ADGRB3: variants seen among roughly 807,000 people sequenced by gnomAD.
The protein encoded by ADGRB3 is adhesion G protein-coupled receptor B3.
ADGRB3 carries 37 observed loss-of-function variants against 193.4 expected under a neutral mutation model. The observed-to-expected ratio is 0.19, with a 90% CI of 0.15 to 0.25. The LOEUF is 0.25. Among genes scored for constraint, ADGRB3 ranks in the 10% least tolerant of loss-of-function variants. The pLI is 1.00. For missense variants in ADGRB3, 1,637 were observed against 1,852.9 expected (o/e 0.88, Z 2.14); for synonymous variants, 690 against 644.2 (o/e 1.07, Z -1.08).
chr6:69,325,081 G>C, intron 21 of ADGRB3, 59 bp downstream of exon 21: 1 of 1,555,746 alleles, frequency 6.4e-7, no homozygotes, highest in South Asian at 1.2e-5. Context: ...ACACACATTA[G>C]AAAGCAGTCA....
chr6:68,851,242 T>C (rs1468237274), intron 3 of ADGRB3, among the ~76,000 whole-genome samples: 2 of 149,762 alleles, frequency 1.3e-5, no homozygotes, highest in Non-Finnish European at 3.0e-5. Flanking sequence ...TGCCTCCTTC[T>C]GTCTCTCTCT....
At chr6:68,660,499 T>G (rs1406242439) in intron 3 of ADGRB3, among the ~76,000 whole-genome samples, 1 of 151,028 alleles carries the variant, frequency 6.6e-6, no homozygotes, top group Non-Finnish European at 1.5e-5. Flanking sequence ...CAGAAGTTAA[T>G]GATGTGAATT....
intron 17 of ADGRB3, among the ~76,000 whole-genome samples, chr6:69,121,020 G>A (rs1453163164): frequency 1.2e-5 from 1 of 80,490 alleles, no homozygotes; most frequent in East Asian, 3.1e-4. Flanking sequence ...TTTTTTTTTA[G>A]TATTTATTGA....
At chr6:68,951,593 G>A (rs9454657) in intron 6 of ADGRB3, among the ~76,000 whole-genome samples, 6 of 152,240 alleles carry the variant, frequency 3.9e-5, no homozygotes, top group Non-Finnish European at 7.3e-5. Flanking sequence ...CTTTACTCCT[G>A]TGTGTGTTAC....
intron 3 of ADGRB3, among the ~76,000 whole-genome samples, chr6:68,819,556 T>TAGGACTGACATCTTACATATATATGC (rs1767708802): frequency 6.6e-6 from 1 of 152,052 alleles, no homozygotes; most frequent in Admixed American, 6.6e-5. Flanking sequence ...TCTCTATATG[T>TAGGACTGACATCTTACATATATATGC]AGGACTGACA....
rs751091128 is a variant in ADGRB3 at position 68,993,933 on chromosome 6, A to G, written c.1900A>G (p.Ser634Gly). Reference sequence around the variant, plus strand: ...TGTGACAGACACATTTAAAAGGGCAAGTTACATCCCTGCATCTGATGGTGT... The same window carrying G: ...TGTGACAGACACATTTAAAAGGGCAGGTTACATCCCTGCATCTGATGGTGT... ...RNVTDTFKRA[S>G]YIPASDGVQN... The change falls in exon 11 of 32, where the codon AGT (serine) becomes GGT (glycine). Residue 634 changes from serine (S) to glycine (G), a missense_variant. Transcript: ENST00000370598. 5 of 1,613,812 alleles carry G rather than the reference A, an allele frequency of 3.1e-6. No individual in the cohort carries two copies. Among genetic ancestry groups the G allele is most frequent in the East Asian group, 2.2e-5 (1 of 44,874 alleles).
chr6:69,048,132 T>C (rs1771290571), intron 13 of ADGRB3, 53 bp from the exon 14 acceptor site: 1 of 1,552,546 alleles, frequency 6.4e-7, no homozygotes, highest in African/African-American at 1.4e-5. Flanking sequence ...CAACACTGAT[T>C]ACACTAAAAT....
intron 3 of ADGRB3, among the ~76,000 whole-genome samples, chr6:68,834,571 CT>C (rs35653501): frequency 1.3e-5 from 2 of 152,090 alleles, no homozygotes; most frequent in Non-Finnish European, 2.9e-5. Context: ...AAAATAGCCA[CT>C]TTTTGTGAAG....
At chr6:69,202,107 C>A (rs977557287) in intron 17 of ADGRB3, among the ~76,000 whole-genome samples, 7 of 152,256 alleles carry the variant, frequency 4.6e-5, no homozygotes, top group Admixed American at 4.6e-4. Context: ...GTTGAAGTCA[C>A]TCTTATCTTG....
intron 17 of ADGRB3, among the ~76,000 whole-genome samples, chr6:69,101,706 AGT>A (rs147026892): frequency 6.5e-4 from 91 of 140,418 alleles, no homozygotes; most frequent in African/African-American, 2.2e-3. Flanking sequence ...TGTGTGTGTG[AGT>A]GTGTGTGTGT....
At chr6:68,801,631 G>C (rs572676633) in intron 3 of ADGRB3, among the ~76,000 whole-genome samples, 2 of 152,142 alleles carry the variant, frequency 1.3e-5, no homozygotes, top group Non-Finnish European at 2.9e-5. Context: ...AGAGGTTACG[G>C]TGAGCTGAGA....
chr6:68,785,640 C>A (rs1026177438), intron 3 of ADGRB3, among the ~76,000 whole-genome samples: 1 of 151,814 alleles, frequency 6.6e-6, no homozygotes, highest in East Asian at 1.9e-4. Context: ...TCTTTATAGG[C>A]ACATAATTTA....
At chr6:69,060,342 G>A (rs1771712536) in intron 15 of ADGRB3, among the ~76,000 whole-genome samples, 1 of 151,362 alleles carries the variant, frequency 6.6e-6, no homozygotes, top group Admixed American at 6.6e-5. Flanking sequence ...AGCAGCTGAT[G>A]AACCTAACAC....
rs565937523 is a variant in ADGRB3 at position 69,165,136 on chromosome 6, TC to T, written c.2481-68153del. On this transcript the variant is annotated intron_variant, in intron 17 of 31. Transcript: ENST00000370598. ...CTGATCCCATTTGAAATCCTTAACA[TC>T]ATCCTCAAAAACAAACAGTGGTTTT... 1.1e-3 allele frequency among the ~76,000 whole-genome samples: 167 copies of T among 152,122 alleles called. 1 individual carries two copies. Among genetic ancestry groups the T allele is most frequent in the African/African-American group, 3.8e-3 (158 of 41,526 alleles).
intron 3 of ADGRB3, among the ~76,000 whole-genome samples, chr6:68,694,206 A>C (rs552043091): frequency 6.6e-6 from 1 of 152,138 alleles, no homozygotes; most frequent in African/African-American, 2.4e-5. Flanking sequence ...CTGTTGACAA[A>C]ATGGGCAGTT....
chr6:68,917,310 T>A (rs1298185676), intron 3 of ADGRB3, among the ~76,000 whole-genome samples: 1 of 152,204 alleles, frequency 6.6e-6, no homozygotes, highest in Non-Finnish European at 1.5e-5. Flanking sequence ...GCTTGGTAGG[T>A]ACCTCGTGTG....
chr6:69,208,547 G>A (rs778252781), intron 17 of ADGRB3, among the ~76,000 whole-genome samples: 1 of 152,210 alleles, frequency 6.6e-6, no homozygotes. Context: ...CTTCAGGGAT[G>A]TCCTAGAAAG....
At chr6:69,030,001 CACAT>C (rs1223310576) in intron 13 of ADGRB3, among the ~76,000 whole-genome samples, 1 of 148,800 alleles carries the variant, frequency 6.7e-6, no homozygotes, top group South Asian at 2.1e-4. Flanking sequence ...CACACACACA[CACAT>C]ATATATATAG....
At chr6:69,232,809 C>A (rs1317460329) in intron 17 of ADGRB3, among the ~76,000 whole-genome samples, 1 of 152,206 alleles carries the variant, frequency 6.6e-6, no homozygotes, top group African/African-American at 2.4e-5. Flanking sequence ...AGCTATGTAA[C>A]CTTTTAGTCA....
Sources: gnomAD v4.1 joint callset for allele counts (sites outside exome capture counted in the v4.1 genomes callset) on GRCh38, gnomAD v4.1.1 for gene constraint, MANE v1.5 for transcripts, NCBI Gene and HGNC (gene_info 2026-07-23, HGNC 2026-07-21) for gene names.